ITIH5: variants seen among roughly 807,000 people sequenced by gnomAD.
The protein encoded by ITIH5 is inter-alpha-trypsin inhibitor heavy chain 5, also known as inter-alpha-trypsin inhibitor heavy chain H5.
Under a neutral mutation model 77.5 loss-of-function variants are expected in ITIH5, and 65 were observed. The observed-to-expected ratio is 0.84, with a 90% CI of 0.69 to 1.03. ITIH5 has a LOEUF of 1.03. Among genes scored for constraint, ITIH5 ranks in the 50% least tolerant of loss-of-function variants. The pLI, the probability that ITIH5 is intolerant of heterozygous loss-of-function variation, is 0.00. For synonymous variants in ITIH5, 525 were observed against 494.3 expected, an observed-to-expected ratio of 1.06 and a Z score of -0.82; for missense variants, 1,208 against 1,213.1, an observed-to-expected ratio of 1.00 and a Z score of 0.06.
chr10:7,652,013 C>T (rs1049940875), intron 2 of ITIH5, among the ~76,000 whole-genome samples: 1 of 152,174 alleles, frequency 6.6e-6, no homozygotes, highest in African/African-American at 2.4e-5. Flanking sequence ...TGCTGCAAAG[C>T]AGACACCAAG....
In ITIH5 at chr10:7,559,759, AG is replaced by A; in HGVS notation, c.*3323del. The A allele has an allele frequency of 2.2e-6, 1 of 452,948 alleles. No homozygotes were observed. Among genetic ancestry groups the A allele is most frequent in the Middle Eastern group, 3.4e-4 (1 of 2,946 alleles). The allele number at this position is 452,948 out of a possible 1,614,324, so 28.1% of individuals were successfully genotyped here. On this transcript the variant is annotated 3_prime_UTR_variant, in exon 14 of 14. Transcript: ENST00000397146. Reference sequence around the variant, plus strand: ...GTGCCAGCAGACATGGTGTCTGGTGAGGGCCGTCTTCCTGGCTTGCAGGTGG... The same window carrying A: ...GTGCCAGCAGACATGGTGTCTGGTGAGGCCGTCTTCCTGGCTTGCAGGTGG...
At position 7,644,835 on chromosome 10, in the gene ITIH5, A is replaced by G. The variant is rs9424013; in HGVS notation, c.136-2745T>C. ...CATATATATCATATATATCACATAT[A>G]TATCACATATATATCACATATGTAT... On this transcript the variant is annotated intron_variant, in intron 2 of 13. Coordinates refer to ENST00000397146, the MANE Select transcript of ITIH5 (RefSeq NM_030569.7). 4.2e-4 allele frequency among the ~76,000 whole-genome samples: 49 copies of G among 115,516 alleles called. 3 individuals carry two copies. Among genetic ancestry groups the G allele is most frequent in the South Asian group, 1.3e-3 (5 of 3,766 alleles). 75.8% of individuals were successfully genotyped at this position (115,516 alleles called of 152,430 possible). A position where few individuals can be genotyped will look rare whatever the true frequency, so the allele number is the denominator to read the frequency against.
rs76441793 is a variant in ITIH5, at chr10:7,617,270, G to A, written c.665C>T (p.Pro222Leu). ...TTGGTTAATGACAGTAGATGGGGGA[G>A]GCCCAGAATCATCTGCAAACAAGAT... is the stretch of plus-strand genomic sequence containing the variant. Reference protein sequence around the residue: ...GSGRGEDDSGPPPSTVINQNE... With the variant: ...GSGRGEDDSGLPPSTVINQNE... The change falls in exon 6 of 14, where the codon CCT becomes CTT. Residue 222 changes from proline (P) to leucine (L), a missense_variant. Transcript: ENST00000397146. The A allele has an allele frequency of 1.4e-3, 2,110 of 1,557,032 alleles. 61 individuals carry two copies. In the East Asian group the frequency reaches 0.043, roughly 32 times the overall value.
At chr10:7,653,268 G>A (rs542134689) in intron 2 of ITIH5, among the ~76,000 whole-genome samples, 8 of 152,274 alleles carry the variant, frequency 5.3e-5, no homozygotes, top group Non-Finnish European at 8.8e-5. Context: ...GTGCAGTGGT[G>A]CAATCTCAGC....
chr10:7,569,496 G>T, intron 12 of ITIH5, 172 bp downstream of exon 12: 1 of 454,432 alleles, frequency 2.2e-6, no homozygotes. Context: ...ATAAAGCAGG[G>T]AGTCGGATGC....
intron 2 of ITIH5, among the ~76,000 whole-genome samples, chr10:7,648,116 G>A (rs1301210830): frequency 6.6e-6 from 1 of 151,802 alleles, no homozygotes; most frequent in African/African-American, 2.4e-5. Flanking sequence ...AGCCGGGCAT[G>A]GTGGCGGGCA....
In ITIH5 at chr10:7,566,315, T is replaced by C; in HGVS notation, c.2242A>G (p.Ile748Val). 9 of 1,613,776 alleles carry C rather than the reference T, an allele frequency of 5.6e-6. No individual in the cohort carries two copies. Among genetic ancestry groups the C allele is most frequent in the Non-Finnish European group, 7.6e-6 (9 of 1,179,878 alleles). Residue 748 changes from isoleucine (I) to valine (V), a missense_variant, in exon 13 of 14, where the codon ATC becomes GTC. Ile to Val is a conservative substitution (Grantham distance 29). Transcript: ENST00000397146. ...RTYLRTITIL[I>V]NKPERSYLEI... Reference sequence around the variant, plus strand: ...AGATAAGATCTCTCTGGCTTGTTGATGAGGATGGTGATAGTGCGCAAGTAA... The same window carrying C: ...AGATAAGATCTCTCTGGCTTGTTGACGAGGATGGTGATAGTGCGCAAGTAA...
intron 7 of ITIH5, among the ~76,000 whole-genome samples, chr10:7,603,739 C>T (rs11255231): frequency 6.6e-6 from 1 of 151,936 alleles, no homozygotes; most frequent in Non-Finnish European, 1.5e-5. Flanking sequence ...CCCACCACCA[C>T]GCCCAGCTAA....
chr10:7,566,790 AGAAGAAGAAGAG>A (rs1169696686), intron 12 of ITIH5, among the ~76,000 whole-genome samples: 141 of 4,152 alleles, frequency 0.034, 55 homozygotes, highest in South Asian at 0.11. Flanking sequence ...AGAAGAAAGA[AGAAGAAGAAGAG>A]GAAGAGGAAG....
chr10:7,644,295 T>TA (rs1833935326), intron 2 of ITIH5, among the ~76,000 whole-genome samples: 1 of 149,032 alleles, frequency 6.7e-6, no homozygotes, highest in East Asian at 1.9e-4. Context: ...ATATCATATA[T>TA]ATCATACATA....
intron 1 of ITIH5, among the ~76,000 whole-genome samples, chr10:7,660,720 A>C (rs980711309): frequency 1.5e-4 from 23 of 152,216 alleles, no homozygotes; most frequent in Non-Finnish European, 2.2e-4. Flanking sequence ...TCGAGAGTCC[A>C]TCCATGGGAA....
intron 10 of ITIH5, among the ~76,000 whole-genome samples, chr10:7,573,540 G>T (rs183957325): frequency 1.3e-5 from 2 of 151,774 alleles, no homozygotes; most frequent in Non-Finnish European, 2.9e-5. Context: ...ACCCAACAAG[G>T]TGGCACACAT....
chr10:7,596,210 T>C (rs1832893807), intron 7 of ITIH5, among the ~76,000 whole-genome samples: 1 of 152,176 alleles, frequency 6.6e-6, no homozygotes, highest in Non-Finnish European at 1.5e-5. Context: ...TCTTCCTTTC[T>C]CTTCCGCTCC....
intron 7 of ITIH5, among the ~76,000 whole-genome samples, chr10:7,604,542 T>C (rs2131013052): frequency 6.6e-6 from 1 of 152,356 alleles, no homozygotes. Context: ...TGTGTTTCGA[T>C]TCATCTCCTT....
intron 4 of ITIH5, among the ~76,000 whole-genome samples, chr10:7,637,863 A>T (rs1833827338): frequency 6.6e-6 from 1 of 152,208 alleles, no homozygotes; most frequent in African/African-American, 2.4e-5. Context: ...TTGGCATTTT[A>T]CATAACTTTA....
At chr10:7,602,802 T>A (rs920855258) in intron 7 of ITIH5, among the ~76,000 whole-genome samples, 14 of 152,202 alleles carry the variant, frequency 9.2e-5, no homozygotes, top group African/African-American at 3.1e-4. Context: ...TCTTTTTTTT[T>A]ACTCTATCCA....
intron 8 of ITIH5, among the ~76,000 whole-genome samples, chr10:7,581,915 G>A (rs979627136): frequency 5.6e-5 from 7 of 126,014 alleles, no homozygotes; most frequent in East Asian, 4.7e-4. Flanking sequence ...ATGCTCTTTC[G>A]CCCAAGGTGG....
chr10:7,598,085 T>TAA (rs1832943208), intron 7 of ITIH5, among the ~76,000 whole-genome samples: 2 of 152,136 alleles, frequency 1.3e-5, no homozygotes, highest in African/African-American at 4.8e-5. Flanking sequence ...GACTATAGTG[T>TAA]AAGAGTGTAA....
At chr10:7,600,220 G>T (rs1171095752) in intron 7 of ITIH5, among the ~76,000 whole-genome samples, 1 of 152,216 alleles carries the variant, frequency 6.6e-6, no homozygotes, top group Non-Finnish European at 1.5e-5. Context: ...TAGGTTGGCT[G>T]AAGTTTCAGA....
Sources: allele counts gnomAD v4.1 joint callset (sites outside exome capture counted in the v4.1 genomes callset), GRCh38; gene constraint gnomAD v4.1.1; transcripts MANE v1.5; gene names NCBI Gene and HGNC (gene_info 2026-07-23, HGNC 2026-07-21).